Variants in BFSP1 observed in about 807,000 individuals in gnomAD.
BFSP1 encodes the protein filensin.
BFSP1 carries 38 observed loss-of-function variants against 43.9 expected under a neutral mutation model. That is an observed-to-expected ratio of 0.87 (90% confidence interval 0.67 to 1.14). BFSP1 has a LOEUF of 1.14. Ranked by LOEUF, BFSP1 falls within the 50% of genes most tolerant of loss-of-function variation. The pLI, the probability that BFSP1 is intolerant of heterozygous loss-of-function variation, is 0.00. For missense variants in BFSP1, 850 were observed against 875.1 expected (o/e 0.97, Z 0.36); for synonymous variants, 352 against 354.8 (o/e 0.99, Z 0.09).
chr20:17,536,322 G>A (rs192500862), upstream of BFSP1, among the ~76,000 whole-genome samples: 1,509 of 152,224 alleles, frequency 9.9e-3, 13 homozygotes, highest in Non-Finnish European at 0.016. Flanking sequence ...AGGCCAAGGC[G>A]GGTGGACTGC....
upstream of BFSP1, among the ~76,000 whole-genome samples, chr20:17,533,058 A>AACC (rs1395697337): frequency 4.6e-5 from 7 of 152,150 alleles, no homozygotes; most frequent in Non-Finnish European, 1.0e-4. Flanking sequence ...AAACCATTTA[A>AACC]AATTAGATTT....
At chr20:17,530,674 A>G (rs758907314) in intron 1 of BFSP1, among the ~76,000 whole-genome samples, 3 of 152,028 alleles carry the variant, frequency 2.0e-5, no homozygotes, top group Non-Finnish European at 4.4e-5. Flanking sequence ...TGAACTATGC[A>G]CTTCAAATCT....
chr20:17,520,210 G>GCCCCCCCCCCCCCCCCCCCCC (rs138070825), intron 2 of BFSP1, among the ~76,000 whole-genome samples: 10 of 133,336 alleles, frequency 7.5e-5, no homozygotes, highest in South Asian at 2.5e-4. Flanking sequence ...GTTTTAACGT[G>GCCCCCCCCCCCCCCCCCCCCC]CCCCCCCACC....
At chr20:17,510,514 G>C (rs1217265328) in intron 4 of BFSP1, among the ~76,000 whole-genome samples, 1 of 152,178 alleles carries the variant, frequency 6.6e-6, no homozygotes, top group Non-Finnish European at 1.5e-5. Flanking sequence ...ATGGTAACTG[G>C]TGGGCAATTC....
intron 5 of BFSP1, among the ~76,000 whole-genome samples, 189 bp from the exon 6 acceptor site, chr20:17,499,229 G>C (rs1265253787): frequency 7.1e-6 from 1 of 140,016 alleles, no homozygotes; most frequent in Non-Finnish European, 1.5e-5. Flanking sequence ...CTGAGCTCCT[G>C]TGTCCTTACA....
chr20:17,516,400 C>A (rs1475471461), intron 2 of BFSP1, among the ~76,000 whole-genome samples: 1 of 152,160 alleles, frequency 6.6e-6, no homozygotes, highest in Admixed American at 6.5e-5. Flanking sequence ...TGAAAGACCA[C>A]TGGTGTAGTA....
intron 1 of BFSP1, among the ~76,000 whole-genome samples, chr20:17,549,884 C>A (rs2034868484): frequency 6.6e-6 from 1 of 152,124 alleles, no homozygotes; most frequent in African/African-American, 2.4e-5. Context: ...CATAAAGGAT[C>A]TACCCTTATG....
chr20:17,512,301 A>G (rs2034102512), intron 3 of BFSP1, among the ~76,000 whole-genome samples: 1 of 152,190 alleles, frequency 6.6e-6, no homozygotes. Flanking sequence ...AATCTTCACA[A>G]GAACAACGGG....
intron 1 of BFSP1, among the ~76,000 whole-genome samples, chr20:17,529,442 T>C (rs2034487527): frequency 6.6e-6 from 1 of 152,054 alleles, no homozygotes; most frequent in African/African-American, 2.4e-5. Context: ...CCCACCTCTG[T>C]CTCCCAATTG....
intron 1 of BFSP1, among the ~76,000 whole-genome samples, chr20:17,552,038 G>A (rs1391640030): frequency 6.6e-6 from 1 of 152,106 alleles, no homozygotes. Flanking sequence ...TTCTTGTGGA[G>A]CTTATATTCA....
At chr20:17,503,093 G>T (rs950345770) in intron 5 of BFSP1, among the ~76,000 whole-genome samples, 1 of 152,166 alleles carries the variant, frequency 6.6e-6, no homozygotes, top group Admixed American at 6.5e-5. Context: ...CTGCCATCAG[G>T]ACTCCCTGAA....
chr20:17,496,882 C>T (rs1028260872), intron 7 of BFSP1, 56 bp downstream of exon 7: 35 of 1,383,764 alleles, frequency 2.5e-5, no homozygotes, highest in East Asian at 5.3e-5. Context: ...GGAAGAGAGC[C>T]GCTTGGTTTT....
At chr20:17,519,194 T>C (rs2034267026) in intron 2 of BFSP1, among the ~76,000 whole-genome samples, 1 of 152,204 alleles carries the variant, frequency 6.6e-6, no homozygotes, top group African/African-American at 2.4e-5. Context: ...CAAGGACCCT[T>C]TGTGTTATTA....
chr20:17,553,694 C>T (rs546884671), intron 1 of BFSP1, among the ~76,000 whole-genome samples: 26 of 149,816 alleles, frequency 1.7e-4, no homozygotes, highest in South Asian at 4.2e-4. Flanking sequence ...ATCATCAAGG[C>T]CTTTCGGATT....
At chr20:17,503,226 A>G (rs2033845774) in intron 5 of BFSP1, among the ~76,000 whole-genome samples, 1 of 152,196 alleles carries the variant, frequency 6.6e-6, no homozygotes, top group South Asian at 2.1e-4. Context: ...GACAAGGTCT[A>G]ATTATGTTGC....
At chr20:17,550,350 A>G (rs1156472702) in intron 1 of BFSP1, among the ~76,000 whole-genome samples, 1 of 152,068 alleles carries the variant, frequency 6.6e-6, no homozygotes, top group Non-Finnish European at 1.5e-5. Context: ...AAGTTAAGCT[A>G]TATCTACCTG....
chr20:17,564,550 TA>T (rs2035098583), intron 1 of BFSP1, among the ~76,000 whole-genome samples: 1 of 152,134 alleles, frequency 6.6e-6, no homozygotes, highest in African/African-American at 2.4e-5. Context: ...CAACCCTTAC[TA>T]AACTACCACT....
chr20:17,528,657 G>A (rs981533904), intron 1 of BFSP1, among the ~76,000 whole-genome samples: 1 of 152,164 alleles, frequency 6.6e-6, no homozygotes, highest in African/African-American at 2.4e-5. Flanking sequence ...CCACCCACAG[G>A]CCCTCTCCCA....
At chr20:17,538,931 C>T (rs569839804) in intron 1 of BFSP1, among the ~76,000 whole-genome samples, 2 of 152,158 alleles carry the variant, frequency 1.3e-5, no homozygotes, top group South Asian at 2.1e-4. Flanking sequence ...AACCACAGCC[C>T]GTTTCCTTCT....
Sources: allele counts gnomAD v4.1 joint callset (sites outside exome capture counted in the v4.1 genomes callset), GRCh38; gene constraint gnomAD v4.1.1; transcripts MANE v1.5; gene names NCBI Gene and HGNC (gene_info 2026-07-23, HGNC 2026-07-21).